The following SGCZ variants were observed in gnomAD, a reference collection of about 807,000 sequenced individuals.
SGCZ encodes zeta-sarcoglycan.
SGCZ carries 40 observed loss-of-function variants against 41.3 expected under a neutral mutation model. That is an observed-to-expected ratio of 0.97 (90% confidence interval 0.75 to 1.26). The LOEUF is 1.26. Ranked by LOEUF, SGCZ falls within the 50% of genes most tolerant of loss-of-function variation. The pLI, the probability that SGCZ is intolerant of heterozygous loss-of-function variation, is 0.00. For missense variants in SGCZ, 552 were observed against 369.8 expected (o/e 1.49, Z -4.04); for synonymous variants, 206 against 137.5 (o/e 1.50, Z -3.49).
chr8:14,778,797 T>C (rs1353231124), intron 1 of SGCZ, among the ~76,000 whole-genome samples: 5 of 152,200 alleles, frequency 3.3e-5, no homozygotes, highest in African/African-American at 1.2e-4. Context: ...CACATTTGAT[T>C]GGGATAAAGA....
intron 1 of SGCZ, among the ~76,000 whole-genome samples, chr8:15,195,761 C>A (rs898524773): frequency 2.6e-5 from 4 of 152,158 alleles, no homozygotes; most frequent in African/African-American, 9.7e-5. Context: ...AAAAAACTTA[C>A]CTCCCACATT....
At chr8:14,940,272 G>A (rs1293327891) in intron 1 of SGCZ, among the ~76,000 whole-genome samples, 1 of 152,102 alleles carries the variant, frequency 6.6e-6, no homozygotes, top group Non-Finnish European at 1.5e-5. Flanking sequence ...TATAGCTACA[G>A]TGACAAAAAT....
chr8:14,794,738 G>A (rs1209975346), intron 1 of SGCZ, among the ~76,000 whole-genome samples: 2 of 152,144 alleles, frequency 1.3e-5, no homozygotes, highest in Non-Finnish European at 1.5e-5. Flanking sequence ...ACATAGCATT[G>A]GGAATTTTCA....
At chr8:14,448,484 G>A (rs1800499009) in intron 2 of SGCZ, among the ~76,000 whole-genome samples, 1 of 152,136 alleles carries the variant, frequency 6.6e-6, no homozygotes, top group African/African-American at 2.4e-5. Context: ...GAGCAGAAAT[G>A]TAAAAATAGG....
At chr8:14,986,654 T>G (rs962762268) in intron 1 of SGCZ, among the ~76,000 whole-genome samples, 21 of 152,084 alleles carry the variant, frequency 1.4e-4, no homozygotes, top group Non-Finnish European at 2.6e-4. Flanking sequence ...TTTTAAAATT[T>G]TATACAACAG....
chr8:14,353,042 C>T (rs903468254), intron 2 of SGCZ, among the ~76,000 whole-genome samples: 3 of 151,968 alleles, frequency 2.0e-5, no homozygotes, highest in African/African-American at 7.2e-5. Context: ...TATGGACCAA[C>T]CAAAATTAGA....
intron 1 of SGCZ, among the ~76,000 whole-genome samples, chr8:15,016,277 G>A (rs988836738): frequency 6.6e-6 from 1 of 151,996 alleles, no homozygotes; most frequent in Admixed American, 6.6e-5. Context: ...TTCACTGCTT[G>A]TCCACTGCTT....
chr8:14,407,345 TAC>T (rs1222124677), intron 2 of SGCZ, among the ~76,000 whole-genome samples: 1 of 152,082 alleles, frequency 6.6e-6, no homozygotes, highest in Non-Finnish European at 1.5e-5. Flanking sequence ...AGCTAAAAAC[TAC>T]ACTTTTAAAA....
At chr8:14,354,572 A>G (rs1299634431) in intron 2 of SGCZ, among the ~76,000 whole-genome samples, 1 of 151,724 alleles carries the variant, frequency 6.6e-6, no homozygotes, top group Non-Finnish European at 1.5e-5. Context: ...TACTACAAAG[A>G]CATAAACATA....
At chr8:14,316,885 C>T (rs897169289) in intron 3 of SGCZ, among the ~76,000 whole-genome samples, 36 of 150,672 alleles carry the variant, frequency 2.4e-4, no homozygotes, top group African/African-American at 8.8e-4. Flanking sequence ...AATCTAGACT[C>T]ATATGTCCAC....
chr8:14,310,408 ATGTT>A (rs1244584967), intron 3 of SGCZ, among the ~76,000 whole-genome samples: 7 of 152,144 alleles, frequency 4.6e-5, no homozygotes, highest in African/African-American at 1.7e-4. Flanking sequence ...TCAGTGATCT[ATGTT>A]TGTGTGATTT....
At chr8:14,436,080 T>C (rs6997384) in intron 2 of SGCZ, among the ~76,000 whole-genome samples, 3,151 of 152,252 alleles carry the variant, frequency 0.021, 98 homozygotes, top group African/African-American at 0.071. Context: ...TGGCGTTGGA[T>C]AGAGAAATGC....
chr8:14,117,517 C>A lies in SGCZ; in HGVS notation c.548-9282G>T, dbSNP rs1802562140. ...GTGTGTATGTGTACTGACACATTTA[C>A]AAAATAAAATTCCAATCTTGTAAAT... On this transcript the variant is annotated intron_variant, in intron 5 of 7. Transcript: ENST00000382080. 3.3e-5 allele frequency among the ~76,000 whole-genome samples: 5 copies of A among 149,368 alleles called. 1 individual carries two copies. The Middle Eastern group carries it at 0.014, about 418-fold the overall frequency.
chr8:14,907,829 C>T (rs1458325788), intron 1 of SGCZ, among the ~76,000 whole-genome samples: 1 of 152,110 alleles, frequency 6.6e-6, no homozygotes, highest in Non-Finnish European at 1.5e-5. Flanking sequence ...TATTTCAACC[C>T]TACTATTAAA....
At chr8:15,219,149 T>C (rs1456302045) in intron 1 of SGCZ, among the ~76,000 whole-genome samples, 1 of 152,196 alleles carries the variant, frequency 6.6e-6, no homozygotes, top group Non-Finnish European at 1.5e-5. Flanking sequence ...ACTTGGCATA[T>C]CATGTTTATT....
intron 1 of SGCZ, among the ~76,000 whole-genome samples, chr8:14,652,481 T>C (rs1358888794): frequency 2.0e-5 from 3 of 152,010 alleles, no homozygotes; most frequent in Non-Finnish European, 4.4e-5. Flanking sequence ...TATATATTTT[T>C]TGTAATATCT....
At chr8:15,129,046 C>A (rs540174463) in intron 1 of SGCZ, among the ~76,000 whole-genome samples, 42 of 152,278 alleles carry the variant, frequency 2.8e-4, no homozygotes, top group South Asian at 4.1e-4. Context: ...GAAGCTATCT[C>A]CCTATTATCT....
intron 1 of SGCZ, among the ~76,000 whole-genome samples, chr8:15,008,541 A>AAGGAAGGGAGGG (rs1156576852): frequency 3.3e-5 from 2 of 59,778 alleles, no homozygotes; most frequent in Non-Finnish European, 5.8e-5. Flanking sequence ...GGAAGGAAGG[A>AAGGAAGGGAGGG]AGGGAGGGAG....
chr8:14,872,631 T>C (rs1210041724), intron 1 of SGCZ, among the ~76,000 whole-genome samples: 3 of 152,080 alleles, frequency 2.0e-5, no homozygotes, highest in Non-Finnish European at 4.4e-5. Context: ...TGTCTATAAA[T>C]ACATTAGATT....
Sources: allele counts gnomAD v4.1 joint callset (sites outside exome capture counted in the v4.1 genomes callset), GRCh38; gene constraint gnomAD v4.1.1; transcripts MANE v1.5; gene names NCBI Gene and HGNC (gene_info 2026-07-23, HGNC 2026-07-21).